The following KCNH8 variants were observed in gnomAD, a reference collection of about 807,000 sequenced individuals.
KCNH8 encodes potassium voltage-gated channel subfamily H member 8.
KCNH8 carries 70 observed loss-of-function variants against 103.6 expected under a neutral mutation model. That is an observed-to-expected ratio of 0.68 (90% CI 0.56 to 0.82). The LOEUF is 0.82. KCNH8 is among the 40% of genes least tolerant of loss of function. The pLI, the probability that KCNH8 is intolerant of heterozygous loss-of-function variation, is 0.00. For missense variants in KCNH8, 1,217 were observed against 1,329.9 expected (o/e 0.92, Z 1.32); for synonymous variants, 498 against 489.4 (o/e 1.02, Z -0.23).
At chr3:19,498,326 G>C (rs1383472883) in intron 11 of KCNH8, among the ~76,000 whole-genome samples, 2 of 152,184 alleles carry the variant, frequency 1.3e-5, no homozygotes, top group African/African-American at 4.8e-5. Flanking sequence ...CTGCTTTATA[G>C]TGTCACTGGT....
chr3:19,501,621 C>A (rs1231344871), intron 11 of KCNH8, among the ~76,000 whole-genome samples: 1 of 152,192 alleles, frequency 6.6e-6, no homozygotes, highest in African/African-American at 2.4e-5. Flanking sequence ...GCTGGTTCAA[C>A]ATACGCAAAT....
chr3:19,284,507 T>TGG (rs34034385), intron 3 of KCNH8, among the ~76,000 whole-genome samples: 12 of 85,482 alleles, frequency 1.4e-4, no homozygotes, highest in East Asian at 1.3e-3. Flanking sequence ...GTGGATCTGC[T>TGG]GGTGTGTGTG....
intron 3 of KCNH8, among the ~76,000 whole-genome samples, chr3:19,311,263 TTTAA>T (rs1447373753): frequency 2.0e-5 from 3 of 151,798 alleles, no homozygotes; most frequent in African/African-American, 7.3e-5. Context: ...TTTTACCACA[TTTAA>T]TTGTCACAAA....
intron 3 of KCNH8, among the ~76,000 whole-genome samples, chr3:19,340,973 G>A (rs2065651998): frequency 6.6e-6 from 1 of 152,148 alleles, no homozygotes. Flanking sequence ...ATGTACACTT[G>A]GAAGTGGGCC....
intron 1 of KCNH8, among the ~76,000 whole-genome samples, chr3:19,198,683 T>C (rs934374593): frequency 2.0e-5 from 3 of 151,896 alleles, no homozygotes; most frequent in Non-Finnish European, 4.4e-5. Flanking sequence ...CAAAAAAATT[T>C]TCCAAACAAC....
intron 2 of KCNH8, among the ~76,000 whole-genome samples, chr3:19,278,195 A>G (rs919389228): frequency 6.6e-6 from 1 of 152,146 alleles, no homozygotes; most frequent in Non-Finnish European, 1.5e-5. Context: ...AGCAAAGGAT[A>G]AGCGAGCATG....
At chr3:19,434,043 T>C (rs932931498) in intron 7 of KCNH8, among the ~76,000 whole-genome samples, 2 of 152,194 alleles carry the variant, frequency 1.3e-5, no homozygotes, top group African/African-American at 4.8e-5. Flanking sequence ...ACATAAGATA[T>C]CACCACTGGA....
At chr3:19,458,556 T>G (rs1002515177) in intron 11 of KCNH8, among the ~76,000 whole-genome samples, 3 of 151,994 alleles carry the variant, frequency 2.0e-5, no homozygotes, top group South Asian at 2.1e-4. Flanking sequence ...TAAATCACGC[T>G]AATTAATGTA....
At chr3:19,347,159 A>G (rs200980276) in intron 4 of KCNH8, among the ~76,000 whole-genome samples, 2 of 152,122 alleles carry the variant, frequency 1.3e-5, no homozygotes, top group Non-Finnish European at 1.5e-5. Flanking sequence ...AACTTCACCA[A>G]CAGCCACAGT....
intron 11 of KCNH8, among the ~76,000 whole-genome samples, chr3:19,496,735 T>C (rs2068449205): frequency 6.6e-6 from 1 of 152,318 alleles, no homozygotes. Flanking sequence ...TCTATCCTCC[T>C]CAAATTTTTG....
At chr3:19,457,110 G>C (rs1363282850) in intron 11 of KCNH8, 128 bp downstream of exon 11, 2 of 570,190 alleles carry the variant, frequency 3.5e-6, no homozygotes, top group Non-Finnish European at 6.1e-6. Flanking sequence ...TGAATATTCA[G>C]CCACCAGTTA....
chr3:19,483,431 C>T lies in KCNH8; in HGVS notation c.2040+26449C>T, dbSNP rs527953839. On this transcript the variant is annotated intron_variant, in intron 11 of 15. Transcript: ENST00000328405. Reference sequence around the variant, plus strand: ...TTTTTTCTAGCTATGCAATACTGTCCAATAATTGAGGCTTTTAGGACTAGA... The same window carrying T: ...TTTTTTCTAGCTATGCAATACTGTCTAATAATTGAGGCTTTTAGGACTAGA... Among the ~76,000 whole-genome samples the T allele has an allele frequency of 6.6e-5, 10 of 151,996 alleles. No individual in the cohort carries two copies. In the South Asian group the frequency reaches 2.1e-3, roughly 32 times the overall value.
intron 1 of KCNH8, among the ~76,000 whole-genome samples, chr3:19,210,886 A>C (rs562342992): frequency 1.3e-4 from 20 of 152,148 alleles, no homozygotes; most frequent in Non-Finnish European, 2.4e-4. Flanking sequence ...TTTTTGCATT[A>C]GTGCTGACAG....
intron 2 of KCNH8, among the ~76,000 whole-genome samples, chr3:19,275,398 C>G (rs374530494): frequency 6.6e-6 from 1 of 151,988 alleles, no homozygotes; most frequent in African/African-American, 2.4e-5. Context: ...GTCTACCCCC[C>G]ACGCTGCCCT....
chr3:19,168,355 G>A (rs540033062), intron 1 of KCNH8, among the ~76,000 whole-genome samples: 31 of 151,990 alleles, frequency 2.0e-4, no homozygotes, highest in Middle Eastern at 3.4e-3. Flanking sequence ...TAATTCTGTC[G>A]TTTCAAGAAC....
rs746829538 is a variant in KCNH8, at chr3:19,253,900, T to G, written c.310+13T>G. On this transcript the variant is annotated intron_variant, in intron 2 of 15. Coordinates refer to ENST00000328405, the MANE Select transcript of KCNH8 (RefSeq NM_144633.3). ...TACAAGAAAAACGGTGAGTTGGCTT[T>G]CTTTCGTGCTCACTGGAGAGTAGTG... 2.5e-6 allele frequency: 4 copies of G among 1,579,302 alleles called. No individual in the cohort carries two copies. The highest frequency in any genetic ancestry group is 1.1e-5 in the South Asian group (1 of 90,150).
chr3:19,282,115 T>A (rs2064764876), intron 3 of KCNH8, among the ~76,000 whole-genome samples: 1 of 152,116 alleles, frequency 6.6e-6, no homozygotes. Context: ...TATGTCTTTT[T>A]AGGAATGGAC....
At position 19,253,830 on chromosome 3, in the gene KCNH8, A is replaced by G; in HGVS notation, c.253A>G (p.Lys85Glu). Reference protein sequence around the residue: ...TNEQLMLQIEKSLEEKTEFKG... With the variant: ...TNEQLMLQIEESLEEKTEFKG... ...TGAGCAACTGATGCTTCAAATAGAA[A>G]AGTCACTGGAGGAGAAAACAGAATT... Residue 85 changes from lysine to glutamate, a missense_variant, in exon 2 of 16, where the codon AAG becomes GAG. Physicochemically the swap from Lys to Glu is moderately conservative, Grantham distance 56 (BLOSUM62 1). Transcript: ENST00000328405. 2 of 1,613,894 alleles carry G rather than the reference A, an allele frequency of 1.2e-6. No homozygotes were observed. Among genetic ancestry groups the G allele is most frequent in the Middle Eastern group, 1.6e-4 (1 of 6,062 alleles).
intron 8 of KCNH8, among the ~76,000 whole-genome samples, chr3:19,442,794 T>C (rs908701003): frequency 2.6e-5 from 4 of 152,276 alleles, no homozygotes; most frequent in African/African-American, 9.6e-5. Flanking sequence ...GGAAAAATGA[T>C]GCCTGCATTT....
Sources: gnomAD v4.1 joint callset for allele counts (sites outside exome capture counted in the v4.1 genomes callset) on GRCh38, gnomAD v4.1.1 for gene constraint, MANE v1.5 for transcripts, NCBI Gene and HGNC (gene_info 2026-07-23, HGNC 2026-07-21) for gene names.